The following TTC21B variants were observed in gnomAD, a reference collection of about 807,000 sequenced individuals.
The protein encoded by TTC21B is tetratricopeptide repeat domain 21B, also known as tetratricopeptide repeat protein 21B.
Under a neutral mutation model 175.1 loss-of-function variants are expected in TTC21B, and 127 were observed. The observed-to-expected ratio is 0.73, with a 90% CI of 0.63 to 0.84. The LOEUF (loss-of-function observed/expected upper bound fraction) is 0.84, where lower values mean the gene tolerates loss of function less well. TTC21B is among the 40% of genes least tolerant of loss of function. The pLI, the probability that TTC21B is intolerant of heterozygous loss-of-function variation, is 0.00. For synonymous variants in TTC21B, 524 were observed against 524.5 expected (o/e 1.00, Z 0.01); for missense variants, 1,561 against 1,558.3 (o/e 1.00, Z -0.03).
intron 5 of TTC21B, 39 bp downstream of exon 5, chr2:165,943,180 A>G (rs368194020): frequency 2.2e-5 from 36 of 1,605,516 alleles, no homozygotes; most frequent in Non-Finnish European, 2.8e-5. Flanking sequence ...TTATGAATAT[A>G]TTTTGAAACA....
At chr2:165,891,602 C>A (rs1397016652) in intron 22 of TTC21B, among the ~76,000 whole-genome samples, 2 of 151,954 alleles carry the variant, frequency 1.3e-5, no homozygotes, top group African/African-American at 4.8e-5. Flanking sequence ...TTCATTCATT[C>A]ATTCATTCAT....
intron 23 of TTC21B, 88 bp from the exon 24 acceptor site, chr2:165,890,728 T>C (rs1391226343): frequency 7.2e-6 from 11 of 1,537,022 alleles, no homozygotes; most frequent in South Asian, 4.6e-5. Flanking sequence ...AATAAAACTG[T>C]TGAATTATTT....
intron 10 of TTC21B, 150 bp downstream of exon 10, chr2:165,929,500 A>C (rs1417249199): frequency 1.1e-6 from 1 of 892,884 alleles, no homozygotes; most frequent in Non-Finnish European, 1.7e-6. Flanking sequence ...AATAAAGTTT[A>C]GTTTTGAATG....
intron 24 of TTC21B, among the ~76,000 whole-genome samples, chr2:165,890,160 G>C (rs1342046808): frequency 6.6e-6 from 1 of 152,148 alleles, no homozygotes; most frequent in Admixed American, 6.5e-5. Context: ...TTATTGTGTG[G>C]ATAATTTTTG....
intron 18 of TTC21B, among the ~76,000 whole-genome samples, chr2:165,910,361 C>T (rs1335915521): frequency 6.6e-6 from 1 of 151,942 alleles, no homozygotes; most frequent in South Asian, 2.1e-4. Context: ...TGAGATCGTG[C>T]CATTGCACTC....
intron 14 of TTC21B, 33 bp downstream of exon 14, chr2:165,917,224 A>C: frequency 1.3e-6 from 2 of 1,578,672 alleles, no homozygotes; most frequent in Non-Finnish European, 1.7e-6. Flanking sequence ...AAGAAAGTTC[A>C]CATCCGAGCC....
chr2:165,907,566 T>C lies in TTC21B; in HGVS notation c.2568+112A>G, dbSNP rs555917451. The C allele has an allele frequency of 1.1e-5, 8 of 713,774 alleles. No individual in the cohort carries two copies. In the East Asian group the frequency reaches 2.2e-4, roughly 19 times the overall value. The allele number at this position is 713,774 out of a possible 1,614,324, so 44.2% of individuals were successfully genotyped here. On this transcript the variant is annotated intron_variant, in intron 19 of 28. Coordinates refer to ENST00000243344, the MANE Select transcript of TTC21B (RefSeq NM_024753.5). ...TTCAATAAGTATTTTGATTTTGACATATTTTCTGTAGCTGTTTGGCCAAAA... is the reference window on the plus strand; with the variant it reads ...TTCAATAAGTATTTTGATTTTGACACATTTTCTGTAGCTGTTTGGCCAAAA...
chr2:165,881,769 A>T (rs1160685377), intron 26 of TTC21B, among the ~76,000 whole-genome samples: 1 of 152,050 alleles, frequency 6.6e-6, no homozygotes, highest in Non-Finnish European at 1.5e-5. Flanking sequence ...CTTAATTGTA[A>T]TTTTTTTCCA....
At chr2:165,948,757 G>T (rs35049552) in intron 3 of TTC21B, 64,861 of 152,118 alleles carry the variant, frequency 0.43, 14,655 homozygotes, top group Middle Eastern at 0.57. Flanking sequence ...GTCTAACTAT[G>T]TTGCCCAGGC....
chr2:165,877,392 C>A (rs1035346473), intron 27 of TTC21B, among the ~76,000 whole-genome samples: 4 of 152,202 alleles, frequency 2.6e-5, no homozygotes, highest in African/African-American at 9.6e-5. Flanking sequence ...GATGATGTTT[C>A]ATTAACAACA....
At position 165,880,566 on chromosome 2, in the gene TTC21B, GA is replaced by G; in HGVS notation, c.3805+112del. On this transcript the variant is annotated intron_variant, in intron 27 of 28. Coordinates refer to ENST00000243344, the MANE Select transcript of TTC21B (RefSeq NM_024753.5). ...TTCTCCTTTCAGAAAGGTTGACAAT[GA>G]AAATTGACTCAATGTTTATTTTGTT... 4 of 1,141,864 alleles carry G rather than the reference GA, an allele frequency of 3.5e-6. No individual in the cohort carries two copies. The South Asian group carries it at 5.3e-5, about 15-fold the overall frequency. The allele number at this position is 1,141,864 out of a possible 1,614,324, so 70.7% of individuals were successfully genotyped here. A position where few individuals can be genotyped will look rare whatever the true frequency, so the allele number is the denominator to read the frequency against.
At chr2:165,892,700 CA>C (rs1398947017) in intron 22 of TTC21B, among the ~76,000 whole-genome samples, 1 of 152,094 alleles carries the variant, frequency 6.6e-6, no homozygotes, top group Non-Finnish European at 1.5e-5. Flanking sequence ...TGATGGTTGC[CA>C]GGGGCTCCGG....
At chr2:165,934,307 A>G (rs1335754458) in intron 6 of TTC21B, among the ~76,000 whole-genome samples, 8 of 151,902 alleles carry the variant, frequency 5.3e-5, no homozygotes, top group South Asian at 2.1e-4. Context: ...CAAAACTGTT[A>G]TAAGAGAAAC....
chr2:165,874,331 T>C lies in TTC21B; in HGVS notation c.*424A>G, dbSNP rs117664297. The stretch of plus-strand genomic sequence containing the variant: ...ACTGCACTCCAGCCTGGGCGGCAGA[T>C]CAAGGCTCTGTCTTTAAAAATAAAT... On this transcript the variant is annotated 3_prime_UTR_variant, in exon 29 of 29. Coordinates refer to ENST00000243344, the MANE Select transcript of TTC21B (RefSeq NM_024753.5). The C allele has an allele frequency of 3.1e-4, 49 of 156,246 alleles. No individual in the cohort carries two copies. In the East Asian group the frequency reaches 9.2e-3, roughly 29 times the overall value. 9.7% of individuals were successfully genotyped at this position (156,246 alleles called of 1,614,324 possible).
chr2:165,932,609 T>A (rs896623091), intron 7 of TTC21B, among the ~76,000 whole-genome samples: 2 of 152,050 alleles, frequency 1.3e-5, no homozygotes, highest in African/African-American at 4.8e-5. Flanking sequence ...ATACTATAAA[T>A]TACATTTTGC....
intron 9 of TTC21B, 31 bp downstream of exon 9, chr2:165,930,141 T>C (rs1417222725): frequency 2.5e-6 from 4 of 1,589,234 alleles, no homozygotes; most frequent in Non-Finnish European, 3.5e-6. Context: ...TGTATCTATA[T>C]TATAAATATT....
At chr2:165,928,991 T>C (rs578182075) in intron 11 of TTC21B, 144 bp downstream of exon 11, 14 of 748,136 alleles carry the variant, frequency 1.9e-5, no homozygotes, top group South Asian at 1.1e-4. Flanking sequence ...AACAGTCTGA[T>C]TAAAAGCGAT....
intron 22 of TTC21B, among the ~76,000 whole-genome samples, chr2:165,897,524 A>G (rs1685411978): frequency 6.6e-6 from 1 of 152,144 alleles, no homozygotes. Context: ...GAGGCGAGGG[A>G]AAGTTCAGGT....
chr2:165,937,650 T>C (rs954977740), intron 6 of TTC21B, among the ~76,000 whole-genome samples: 1 of 152,060 alleles, frequency 6.6e-6, no homozygotes, highest in African/African-American at 2.4e-5. Context: ...TGAATAGGTA[T>C]AAAATGATAT....
Sources: allele counts gnomAD v4.1 joint callset (sites outside exome capture counted in the v4.1 genomes callset), GRCh38; gene constraint gnomAD v4.1.1; transcripts MANE v1.5; gene names NCBI Gene and HGNC (gene_info 2026-07-23, HGNC 2026-07-21).